The following TENM2 variants were observed in gnomAD, a reference collection of about 807,000 sequenced individuals.
TENM2 encodes teneurin transmembrane protein 2, also known as teneurin-2.
Under a neutral mutation model 245.2 loss-of-function variants are expected in TENM2, and 52 were observed. The observed-to-expected ratio is 0.21, with a 90% CI of 0.17 to 0.27. The LOEUF is 0.27. Among genes scored for constraint, TENM2 ranks in the 10% least tolerant of loss-of-function variants. TENM2 has a pLI of 1.00. For missense variants in TENM2, 3,046 were observed against 3,666.8 expected, an observed-to-expected ratio of 0.83 and a Z score of 4.37; for synonymous variants, 1,363 against 1,438.9, an observed-to-expected ratio of 0.95 and a Z score of 1.19.
At position 167,875,253 on chromosome 5, in the gene TENM2, A is replaced by C. The variant is rs371561643; in HGVS notation, c.503-733A>C. Among the ~76,000 whole-genome samples the C allele has an allele frequency of 3.3e-5, 5 of 152,252 alleles. No individual in the cohort carries two copies. The East Asian group carries it at 9.6e-4, about 29-fold the overall frequency. On this transcript the variant is annotated intron_variant, in intron 2 of 28. Coordinates refer to ENST00000518659, the Ensembl canonical transcript of TENM2. ...AGAAGTGAGATTGTGAATGTTGGCAAGGTGTTGTAGTTGGGGGTTGGGGGT... is the reference window on the plus strand; with the variant it reads ...AGAAGTGAGATTGTGAATGTTGGCACGGTGTTGTAGTTGGGGGTTGGGGGT...
At chr5:167,472,722 C>T (rs774568122) in intron 2 of TENM2, among the ~76,000 whole-genome samples, 17 of 152,232 alleles carry the variant, frequency 1.1e-4, no homozygotes, top group African/African-American at 3.1e-4. Context: ...AAAAAACCTT[C>T]GTGCTAAACA....
At chr5:167,182,581 A>G in the TENM2 span, among the ~76,000 whole-genome samples, 1 of 152,278 alleles carries the variant, frequency 6.6e-6, no homozygotes, top group South Asian at 2.1e-4. Context: ...GAAAATGTCT[A>G]CATTCTTTAA....
chr5:167,672,912 CAAAAAA>C (rs35274077), intron 2 of TENM2, among the ~76,000 whole-genome samples: 1 of 110,870 alleles, frequency 9.0e-6, no homozygotes, highest in Non-Finnish European at 2.1e-5. Flanking sequence ...TCAGGCAAAG[CAAAAAA>C]AAAAAAAAAA....
the TENM2 span, among the ~76,000 whole-genome samples, chr5:167,056,240 G>A: frequency 6.6e-6 from 1 of 151,556 alleles, no homozygotes; most frequent in African/African-American, 2.4e-5. Flanking sequence ...TTCTTACAAG[G>A]CAGTTATACT....
intron 7 of TENM2, 38 bp downstream of exon 9, chr5:168,062,303 AT>A (rs1790115075): frequency 1.1e-5 from 17 of 1,514,202 alleles, no homozygotes; most frequent in East Asian, 6.8e-5. Context: ...ATTTAAAAAA[AT>A]ATATACGTAT....
At chr5:168,067,091 G>C (rs147320293) in intron 7 of TENM2, among the ~76,000 whole-genome samples, 2 of 152,172 alleles carry the variant, frequency 1.3e-5, no homozygotes, top group Admixed American at 1.3e-4. Flanking sequence ...TACCACTTGG[G>C]AGCCCTGCTG....
At chr5:167,883,832 G>A (rs1320553362) in intron 3 of TENM2, among the ~76,000 whole-genome samples, 2 of 152,182 alleles carry the variant, frequency 1.3e-5, no homozygotes, top group Admixed American at 1.3e-4. Context: ...ATTTTTAAAA[G>A]TGTCCCCAGT....
rs147209981 is a variant in TENM2 at position 168,218,445 on chromosome 5, G to A, written c.4554G>A (p.Ser1518=). 306 of 1,614,012 alleles carry A rather than the reference G, an allele frequency of 1.9e-4. 1 individual carries two copies. In the African/African-American group the frequency reaches 3.3e-3, roughly 17 times the overall value. Residue 1518 remains serine (S), a synonymous_variant, in exon 23 of 29, where the codon TCG becomes TCA. Coordinates refer to ENST00000518659, the Ensembl canonical transcript of TENM2. This position sits in a 1 kb window ranked among gnomAD's most constrained non-coding sequence, Gnocchi z 5.2. Reference sequence around the variant, plus strand: ...TCTGCCTTTTAGCTGGGGCAGCCTCGGACTGCGACTGCAAAAACGATGTCA... The same window carrying A: ...TCTGCCTTTTAGCTGGGGCAGCCTCAGACTGCGACTGCAAAAACGATGTCA...
intron 13 of TENM2, chr5:168,187,623 G>A (rs1011959000): frequency 2.0e-5 from 3 of 152,224 alleles, no homozygotes; most frequent in African/African-American, 7.2e-5. Context: ...CAGGCATTCC[G>A]TGGTAGAGCC....
chr5:166,981,132 G>C, the TENM2 span, among the ~76,000 whole-genome samples: 1 of 152,180 alleles, frequency 6.6e-6, no homozygotes, highest in East Asian at 1.9e-4. Context: ...AAATTCACCT[G>C]TTCTGGGTCC....
intron 2 of TENM2, among the ~76,000 whole-genome samples, chr5:167,696,294 T>TA (rs1227405290): frequency 6.6e-6 from 1 of 152,192 alleles, no homozygotes; most frequent in African/African-American, 2.4e-5. Context: ...TATAAAAATT[T>TA]AAAAAGAGCC....
intron 6 of TENM2, among the ~76,000 whole-genome samples, chr5:168,056,384 A>G (rs1332759034): frequency 1.3e-5 from 2 of 152,258 alleles, no homozygotes; most frequent in African/African-American, 2.4e-5. Context: ...TTTAAAAAGT[A>G]TATAAAAAAC....
At chr5:167,144,008 T>C in the TENM2 span, among the ~76,000 whole-genome samples, 3 of 152,144 alleles carry the variant, frequency 2.0e-5, no homozygotes, top group African/African-American at 7.2e-5. Context: ...CGCCCTTCTG[T>C]GATCGCTCAT....
the TENM2 span, among the ~76,000 whole-genome samples, chr5:167,012,497 C>T: frequency 1.9e-4 from 29 of 152,202 alleles, no homozygotes; most frequent in Non-Finnish European, 1.8e-4. Flanking sequence ...GTAGTGGAGC[C>T]GGGAAAGTGG....
intron 5 of TENM2, among the ~76,000 whole-genome samples, chr5:168,036,522 G>C (rs574534978): frequency 1.3e-5 from 2 of 151,590 alleles, no homozygotes; most frequent in Non-Finnish European, 2.9e-5. Flanking sequence ...TGTAATCCCA[G>C]CTACTTGGGA....
At chr5:167,283,718 A>G (rs928849251), upstream of TENM2, among the ~76,000 whole-genome samples, 4 of 152,178 alleles carry the variant, frequency 2.6e-5, no homozygotes, top group African/African-American at 9.7e-5. Flanking sequence ...GTATTTGTCC[A>G]TTCTGTCCAG....
intron 2 of TENM2, among the ~76,000 whole-genome samples, chr5:167,633,856 A>G (rs536748045): frequency 6.6e-6 from 1 of 152,172 alleles, no homozygotes; most frequent in Non-Finnish European, 1.5e-5. Context: ...TGCAGTCCCT[A>G]TGTGAAGGGC....
intron 2 of TENM2, among the ~76,000 whole-genome samples, chr5:167,494,763 A>G (rs980193202): frequency 1.4e-4 from 21 of 152,064 alleles, no homozygotes; most frequent in African/African-American, 5.1e-4. Flanking sequence ...CAATTATGCC[A>G]TTTTTCTAAC....
At chr5:168,039,358 C>G (rs1787982447) in intron 5 of TENM2, among the ~76,000 whole-genome samples, 3 of 152,086 alleles carry the variant, frequency 2.0e-5, no homozygotes, top group South Asian at 4.1e-4. Flanking sequence ...CAGTGAATGA[C>G]AAGCTCGGAG....
Sources: allele counts gnomAD v4.1 joint callset (sites outside exome capture counted in the v4.1 genomes callset), GRCh38; gene constraint gnomAD v4.1.1; non-coding constraint Gnocchi (gnomAD v3.1); transcripts MANE v1.5; gene names NCBI Gene and HGNC (gene_info 2026-07-23, HGNC 2026-07-21).